Variants in MED28 observed in about 807,000 individuals in gnomAD.
MED28 encodes mediator of RNA polymerase II transcription subunit 28.
A neutral mutation model predicts 21.3 loss-of-function variants in MED28; 26 were observed. The observed-to-expected ratio is 1.22, with a 90% CI of 0.89 to 1.69. The LOEUF (loss-of-function observed/expected upper bound fraction) is 1.69, where lower values mean the gene tolerates loss of function less well. Among genes scored for constraint, MED28 ranks in the 40% most tolerant of loss-of-function variants. MED28 has a pLI of 0.00. For missense variants in MED28, 257 were observed against 215.4 expected (o/e 1.19, Z -1.21); for synonymous variants, 110 against 87.6 (o/e 1.26, Z -1.43).
chr4:17,633,923 A>G lies in MED28; in HGVS notation c.*10125A>G. On this transcript the variant is annotated 3_prime_UTR_variant, in exon 4 of 4. Coordinates refer to ENST00000237380, the MANE Select transcript of MED28 (RefSeq NM_025205.5). ...TTAATGGACAGGTTAGTGCAATGCAATGCAAAAAACAAAATAAAGCATTAT... is the reference window on the plus strand; with the variant it reads ...TTAATGGACAGGTTAGTGCAATGCAGTGCAAAAAACAAAATAAAGCATTAT... The G allele has an allele frequency of 7.4e-7, 1 of 1,344,348 alleles. No homozygotes were observed. The highest frequency in any genetic ancestry group is 3.8e-5 in the Admixed American group (1 of 26,378). The allele number at this position is 1,344,348 out of a possible 1,614,324, so 83.3% of individuals were successfully genotyped here.
Position 17,629,691 on chromosome 4 carries a change from C to T in MED28, c.*5893C>T, listed in dbSNP as rs1714869319. 1 of 152,202 alleles carries T rather than the reference C, an allele frequency of 6.6e-6. No homozygotes were observed. Among genetic ancestry groups the T allele is most frequent in the African/African-American group, 2.4e-5 (1 of 41,440 alleles). The allele number at this position is 152,202 out of a possible 1,614,324, so 9.4% of individuals were successfully genotyped here. A position where few individuals can be genotyped will look rare whatever the true frequency, so the allele number is the denominator to read the frequency against. On this transcript the variant is annotated 3_prime_UTR_variant, in exon 4 of 4. Transcript: ENST00000237380. ...GAATTGGATAATTTCTCTTCATCTT[C>T]ACTGTCACCTCTACGCCATCACTGT... is the stretch of plus-strand genomic sequence containing the variant.
intron 1 of MED28, among the ~76,000 whole-genome samples, chr4:17,617,145 G>T (rs1714475152): frequency 6.6e-6 from 1 of 152,234 alleles, no homozygotes; most frequent in African/African-American, 2.4e-5. Context: ...AGGTGAAGGG[G>T]AGTGGGAGTG....
chr4:17,634,025 CTAT>C lies in MED28; in HGVS notation c.*10229_*10231del. On this transcript the variant is annotated 3_prime_UTR_variant, in exon 4 of 4. Transcript: ENST00000237380. ...ACAATTTCATTTATACACTTACATGCTATTTTTTAAAGCACTTTTCCCTCCAAT... is the reference window on the plus strand; with the variant it reads ...ACAATTTCATTTATACACTTACATGCTTTTTAAAGCACTTTTCCCTCCAAT... 1 of 604,900 alleles carries C rather than the reference CTAT, an allele frequency of 1.7e-6. No individual in the cohort carries two copies. The highest frequency in any genetic ancestry group is 3.4e-5 in the East Asian group (1 of 29,496). The allele number at this position is 604,900 out of a possible 1,614,324, so 37.5% of individuals were successfully genotyped here.
chr4:17,625,767 C>A lies in MED28; in HGVS notation c.*1969C>A. 2.4e-6 allele frequency: 1 copy of A among 416,050 alleles called. No individual in the cohort carries two copies. 25.8% of individuals were successfully genotyped at this position (416,050 alleles called of 1,614,324 possible). A position where few individuals can be genotyped will look rare whatever the true frequency, so the allele number is the denominator to read the frequency against. ...AGTTCCCCTAGAAACCTGTGGAATG[C>A]CCTCTGCCAAGCACTGCTCTGGTAC... On this transcript the variant is annotated 3_prime_UTR_variant, in exon 4 of 4. Transcript: ENST00000237380.
Position 17,633,989 on chromosome 4 carries a change from G to T in MED28, c.*10191G>T. 1 of 930,760 alleles carries T rather than the reference G, an allele frequency of 1.1e-6. No individual in the cohort carries two copies. The highest frequency in any genetic ancestry group is 3.9e-5 in the Admixed American group (1 of 25,674). The allele number at this position is 930,760 out of a possible 1,614,324, so 57.7% of individuals were successfully genotyped here. On this transcript the variant is annotated 3_prime_UTR_variant, in exon 4 of 4. Transcript: ENST00000237380. ...TGCTCACCCAATCAAAATTGTATCG[G>T]AGAAGAAGCAACAATTTCATTTATA...
chr4:17,618,065 G>C (rs1410012040), intron 1 of MED28, among the ~76,000 whole-genome samples: 3 of 134,486 alleles, frequency 2.2e-5, no homozygotes, highest in Admixed American at 1.7e-4. Flanking sequence ...AGGCCAGAGT[G>C]CAATGGCACG....
rs1362180009 is a variant in MED28 at position 17,625,534 on chromosome 4, A to G, written c.*1736A>G. ...GAGGTTCTTGAGAAGATTGAGAACT[A>G]TCCTATTTGGTGCTTAGTGAAAAGA... On this transcript the variant is annotated 3_prime_UTR_variant, in exon 4 of 4. Transcript: ENST00000237380. 1.2e-5 allele frequency: 4 copies of G among 341,958 alleles called. No homozygotes were observed. Among genetic ancestry groups the G allele is most frequent in the South Asian group, 2.3e-5 (1 of 44,200 alleles). 21.2% of individuals were successfully genotyped at this position (341,958 alleles called of 1,614,324 possible).
rs1014800259 is a variant in MED28 at position 17,614,882 on chromosome 4, C to G, written c.159+69C>G. On this transcript the variant is annotated intron_variant, in intron 1 of 3. Transcript: ENST00000237380. ...TTCTGAAACGTGAACTGCGCGTACG[C>G]GTATCTCCTCCAGGGATCCGAGCAA... 1.1e-5 allele frequency: 16 copies of G among 1,497,912 alleles called. 1 individual carries two copies. In the South Asian group the frequency reaches 1.3e-4, roughly 12 times the overall value. 92.8% of individuals were successfully genotyped at this position (1,497,912 alleles called of 1,614,324 possible).
Position 17,623,807 on chromosome 4 carries a change from C to A in MED28, c.*9C>A. On this transcript the variant is annotated 3_prime_UTR_variant, in exon 4 of 4. Transcript: ENST00000237380. ...CTCTGAAGCCAACGTGAGCAAAGGG[C>A]AGAGGCAGTTGGCCTATGAGTGGGC... The A allele has an allele frequency of 1.2e-6, 2 of 1,611,016 alleles. No homozygotes were observed. The highest frequency in any genetic ancestry group is 2.2e-5 in the South Asian group (2 of 90,620).
Position 17,628,916 on chromosome 4 carries a change from C to T in MED28, c.*5118C>T, listed in dbSNP as rs1714846407. ...ACTGTGGAAGATAAGAGGAGTACTGCACACAAGGACAGTAGAGTGTCTGTT... is the reference window on the plus strand; with the variant it reads ...ACTGTGGAAGATAAGAGGAGTACTGTACACAAGGACAGTAGAGTGTCTGTT... On this transcript the variant is annotated 3_prime_UTR_variant, in exon 4 of 4. Transcript: ENST00000237380. 6.6e-6 allele frequency: 1 copy of T among 152,210 alleles called. No individual in the cohort carries two copies. The highest frequency in any genetic ancestry group is 2.1e-4 in the South Asian group (1 of 4,824). 9.4% of individuals were successfully genotyped at this position (152,210 alleles called of 1,614,324 possible).
rs755383154 is a variant in MED28 at position 17,619,876 on chromosome 4, T to C, written c.160-25T>C. On this transcript the variant is annotated intron_variant, in intron 1 of 3. Coordinates refer to ENST00000237380, the MANE Select transcript of MED28 (RefSeq NM_025205.5). ...TTTTGATGTATAAATGATATTTTTTTCTTTCCTATGTTTTGATTACACAGG... is the reference window on the plus strand; with the variant it reads ...TTTTGATGTATAAATGATATTTTTTCCTTTCCTATGTTTTGATTACACAGG... 7.5e-6 allele frequency: 12 copies of C among 1,607,610 alleles called. No homozygotes were observed. In the South Asian group the frequency reaches 1.2e-4, roughly 16 times the overall value.
intron 1 of MED28, among the ~76,000 whole-genome samples, chr4:17,615,874 A>T (rs1275775020): frequency 2.0e-5 from 3 of 152,196 alleles, no homozygotes; most frequent in Non-Finnish European, 2.9e-5. Context: ...TATTGTATCT[A>T]ATAGCACAGT....
chr4:17,623,856 T>A lies in MED28; in HGVS notation c.*58T>A. 1 of 1,531,794 alleles carries A rather than the reference T, an allele frequency of 6.5e-7. No homozygotes were observed. The highest frequency in any genetic ancestry group is 8.9e-7 in the Non-Finnish European group (1 of 1,122,676). The allele number at this position is 1,531,794 out of a possible 1,614,324, so 94.9% of individuals were successfully genotyped here. The stretch of plus-strand genomic sequence containing the variant: ...GCTGATGCGTGAGGTTGGCCACACA[T>A]TCCTTCCTGTGGACTTGACATTTTG... On this transcript the variant is annotated 3_prime_UTR_variant, in exon 4 of 4. Transcript: ENST00000237380.
chr4:17,614,688 C>G lies in MED28; in HGVS notation c.34C>G (p.Gln12Glu), dbSNP rs1420968388. 6.2e-7 allele frequency: 1 copy of G among 1,613,642 alleles called. No individual in the cohort carries two copies. The highest frequency in any genetic ancestry group is 8.5e-7 in the Non-Finnish European group (1 of 1,179,898). The change falls in exon 1 of 4, where the codon CAG becomes GAG. Residue 12 changes from glutamine to glutamate, a missense_variant. Coordinates refer to ENST00000237380, the MANE Select transcript of MED28 (RefSeq NM_025205.5). ...AAPLGGMFSG[Q>E]PPGPPQAPPG... ...TCCACTAGGGGGTATGTTTTCTGGG[C>G]AGCCACCCGGTCCCCCTCAGGCCCC...
chr4:17,623,560 C>A, intron 3 of MED28, 41 bp from the exon 4 acceptor site: 11 of 1,596,530 alleles, frequency 6.9e-6, no homozygotes, highest in Non-Finnish European at 9.4e-6. Context: ...ATGTGTTTTT[C>A]CTGCATTTGC....
chr4:17,614,742 C>T lies in MED28; in HGVS notation c.88C>T (p.Leu30Phe), dbSNP rs1714391310. ...GGGCCTTCCGGGCCAAGCTTCGCTT[C>T]TTCAGGCAGCTCCAGGCGCTCCTAG... ...PPGLPGQASL[L>F]QAAPGAPRPS... Residue 30 changes from leucine to phenylalanine, a missense_variant, in exon 1 of 4, where the codon CTT (leucine) becomes TTT (phenylalanine). Physicochemically the swap from Leu to Phe is conservative, Grantham distance 22 (BLOSUM62 0). Coordinates refer to ENST00000237380, the MANE Select transcript of MED28 (RefSeq NM_025205.5). The T allele has an allele frequency of 1.9e-6, 3 of 1,614,280 alleles. No homozygotes were observed. Among genetic ancestry groups the T allele is most frequent in the South Asian group, 1.1e-5 (1 of 91,090 alleles).
At chr4:17,623,510 T>C (rs1439181042) in intron 3 of MED28, 91 bp from the exon 4 acceptor site, 1 of 1,257,754 alleles carries the variant, frequency 8.0e-7, no homozygotes, top group Non-Finnish European at 1.1e-6. Flanking sequence ...ATGGATTCTC[T>C]TTGTTTTGAA....
chr4:17,620,569 G>A (rs1714594662), intron 2 of MED28, among the ~76,000 whole-genome samples: 1 of 152,130 alleles, frequency 6.6e-6, no homozygotes, highest in East Asian at 1.9e-4. Context: ...CTGATCTCTG[G>A]TGATCCATCT....
chr4:17,622,562 C>G (rs1192892942), intron 3 of MED28, among the ~76,000 whole-genome samples: 1 of 151,634 alleles, frequency 6.6e-6, no homozygotes, highest in Non-Finnish European at 1.5e-5. Context: ...AGTGATAGAT[C>G]AGTGGTGTGG....
Sources: allele counts gnomAD v4.1 joint callset (sites outside exome capture counted in the v4.1 genomes callset), GRCh38; gene constraint gnomAD v4.1.1; transcripts MANE v1.5; gene names NCBI Gene and HGNC (gene_info 2026-07-23, HGNC 2026-07-21).